Variants in NRTN observed in about 807,000 individuals in gnomAD.
NRTN encodes neurturin, also known as prepro-neurturin.
NRTN carries 3 observed loss-of-function variants against 7.5 expected under a neutral mutation model. The observed-to-expected ratio is 0.40, with a 90% CI of 0.18 to 1.03. The LOEUF (loss-of-function observed/expected upper bound fraction) is 1.03. Ranked by LOEUF, NRTN falls within the 50% of genes least tolerant of loss-of-function variation. NRTN has a pLI of 0.34. For missense variants in NRTN, 310 were observed against 307.0 expected, an observed-to-expected ratio of 1.01 and a Z score of -0.07; for synonymous variants, 157 against 146.6, an observed-to-expected ratio of 1.07 and a Z score of -0.51.
At chr19:5,827,034 G>A (rs1217815885) in intron 2 of NRTN, among the ~76,000 whole-genome samples, 1 of 152,144 alleles carries the variant, frequency 6.6e-6, no homozygotes. Flanking sequence ...TCCCCACACA[G>A]GCTTCGGATG....
chr19:5,822,099 T>C (rs939536465), intron 1 of NRTN, among the ~76,000 whole-genome samples: 5 of 152,196 alleles, frequency 3.3e-5, no homozygotes, highest in Non-Finnish European at 5.9e-5. Context: ...TAAGGTCTGA[T>C]ATGTGTAGCT....
At position 5,828,028 on chromosome 19, in the gene NRTN, AGCGGCGGCGCCT is replaced by A. The variant is rs1327251299; in HGVS notation, c.457_468del (p.Arg153_Arg156del). 2.5e-5 allele frequency: 35 copies of A among 1,420,292 alleles called. No homozygotes were observed. Among genetic ancestry groups the A allele is most frequent in the Middle Eastern group, 2.3e-4 (1 of 4,270 alleles). The allele number at this position is 1,420,292 out of a possible 1,614,324, so 88.0% of individuals were successfully genotyped here. A position where few individuals can be genotyped will look rare whatever the true frequency, so the allele number is the denominator to read the frequency against. ...GACCTCGGGCTGCGACGACTGCGCC[AGCGGCGGCGCCT>A]GCGGCGGGAGCGGGTGCGCGCGCAG... On this transcript the variant is annotated inframe_deletion, in exon 3 of 3. Transcript: ENST00000303212.
At chr19:5,816,402 G>A (rs1398993704) in intron 1 of NRTN, among the ~76,000 whole-genome samples, 3 of 151,596 alleles carry the variant, frequency 2.0e-5, no homozygotes, top group East Asian at 1.9e-4. Context: ...TTTTTGAGAC[G>A]GAGTCTTGCT....
intron 2 of NRTN, among the ~76,000 whole-genome samples, chr19:5,825,582 C>T (rs1400588805): frequency 6.6e-6 from 1 of 152,192 alleles, no homozygotes; most frequent in African/African-American, 2.4e-5. Flanking sequence ...GAGACCCGGG[C>T]GGGACCCCCA....
Position 5,805,144 on chromosome 19 carries a change from TG to T in NRTN, c.-705del, listed in dbSNP as rs2093594453. ...TCGCCGCCGCCCCGGAGCCCCGTGC[TG>T]CGCGCCGAGGCCGCCTGCGCCGTCC... On this transcript the variant is annotated 5_prime_UTR_variant, in exon 1 of 3. Coordinates refer to ENST00000303212, the MANE Select transcript of NRTN (RefSeq NM_004558.5). 6.8e-6 allele frequency among the ~76,000 whole-genome samples: 1 copy of T among 146,284 alleles called. No homozygotes were observed. The highest frequency in any genetic ancestry group is 1.5e-5 in the Non-Finnish European group (1 of 65,816).
intron 1 of NRTN, among the ~76,000 whole-genome samples, chr19:5,811,782 C>T (rs889687413): frequency 1.3e-5 from 2 of 151,724 alleles, no homozygotes; most frequent in African/African-American, 4.8e-5. Flanking sequence ...AACTCCTGGC[C>T]TAAAGTGATC....
intron 1 of NRTN, among the ~76,000 whole-genome samples, chr19:5,812,147 G>A (rs1034488399): frequency 6.6e-6 from 1 of 152,066 alleles, no homozygotes; most frequent in Non-Finnish European, 1.5e-5. Flanking sequence ...TGGGATTACA[G>A]GTGTGAGCCA....
At chr19:5,821,294 CTTTTTTTTTTTTTTTT>C (rs33932385) in intron 1 of NRTN, among the ~76,000 whole-genome samples, 1 of 49,132 alleles carries the variant, frequency 2.0e-5, no homozygotes, top group Non-Finnish European at 3.5e-5. Flanking sequence ...CAGTGCCTAG[CTTTTTTTTTTTTTTTT>C]TTTTTTTTTT....
At chr19:5,820,437 G>A (rs186208767) in intron 1 of NRTN, among the ~76,000 whole-genome samples, 38 of 143,540 alleles carry the variant, frequency 2.6e-4, no homozygotes, top group South Asian at 6.8e-4. Flanking sequence ...GTGGTGGCGG[G>A]CGCCTGTAGT....
At chr19:5,822,482 C>T (rs1568399344) in intron 1 of NRTN, among the ~76,000 whole-genome samples, 1 of 152,164 alleles carries the variant, frequency 6.6e-6, no homozygotes, top group East Asian at 1.9e-4. Flanking sequence ...CAGACGGCGT[C>T]GAGTGTGGTG....
chr19:5,808,548 G>A (rs577332123), intron 1 of NRTN, among the ~76,000 whole-genome samples: 7 of 152,312 alleles, frequency 4.6e-5, no homozygotes, highest in African/African-American at 1.7e-4. Context: ...CAGGAAGAGA[G>A]AGCTCCAGGT....
intron 1 of NRTN, among the ~76,000 whole-genome samples, chr19:5,810,707 G>A (rs2056987631): frequency 6.6e-6 from 1 of 152,068 alleles, no homozygotes; most frequent in East Asian, 1.9e-4. Context: ...GCCGAGGCGG[G>A]CGGATCACGA....
intron 1 of NRTN, among the ~76,000 whole-genome samples, chr19:5,812,859 C>G (rs2056994403): frequency 6.6e-6 from 1 of 152,196 alleles, no homozygotes; most frequent in Admixed American, 6.5e-5. Context: ...GCTGTGAGCC[C>G]TCGAGCTATC....
Position 5,824,186 on chromosome 19 carries a change from G to A in NRTN, c.21G>A (p.Ala7=), listed in dbSNP as rs746795975. The A allele has an allele frequency of 6.8e-6, 11 of 1,609,934 alleles. No individual in the cohort carries two copies. Among genetic ancestry groups the A allele is most frequent in the African/African-American group, 2.7e-5 (2 of 74,908 alleles). Reference sequence around the variant, plus strand: ...TGAGGATGCAGCGCTGGAAGGCGGCGGCCTTGGCCTCAGTGCTCTGCAGCT... The same window carrying A: ...TGAGGATGCAGCGCTGGAAGGCGGCAGCCTTGGCCTCAGTGCTCTGCAGCT... The part of the protein sequence containing the change: MQRWKA[A]ALASVLCSSV... The change falls in exon 2 of 3, where the codon GCG becomes GCA. Residue 7 remains alanine, a synonymous_variant. Coordinates refer to ENST00000303212, the MANE Select transcript of NRTN (RefSeq NM_004558.5).
At chr19:5,823,538 C>A (rs2057033719) in intron 1 of NRTN, among the ~76,000 whole-genome samples, 1 of 152,206 alleles carries the variant, frequency 6.6e-6, no homozygotes. Flanking sequence ...ATGTCCAGGG[C>A]AGCTCTGGTC....
chr19:5,826,335 C>T (rs796805975), intron 2 of NRTN, among the ~76,000 whole-genome samples: 16 of 152,164 alleles, frequency 1.1e-4, no homozygotes, highest in African/African-American at 3.6e-4. Flanking sequence ...GCTCAGTCAT[C>T]GCCCACCCCC....
At chr19:5,825,962 G>A (rs1229531977) in intron 2 of NRTN, among the ~76,000 whole-genome samples, 2 of 152,124 alleles carry the variant, frequency 1.3e-5, no homozygotes, top group Admixed American at 1.3e-4. Flanking sequence ...GTGAAACCCT[G>A]TCTCTACTAA....
chr19:5,824,240 G>C lies in NRTN; in HGVS notation c.75G>C (p.Glu25Asp). The stretch of plus-strand genomic sequence containing the variant: ...TGCTGTCCATCTGGATGTGTCGAGA[G>C]GGCCTGCTTCTCAGCCACCGCCTCG... ...SSVLSIWMCREGLLLSHRLGP... is the reference protein window; with the variant it reads ...SSVLSIWMCRDGLLLSHRLGP... The change falls in exon 2 of 3, where the codon GAG (glutamate) becomes GAC (aspartate). Residue 25 changes from glutamate (E) to aspartate (D), a missense_variant. Glu to Asp is a conservative substitution (Grantham distance 45, BLOSUM62 2). Transcript: ENST00000303212. 1 of 1,612,390 alleles carries C rather than the reference G, an allele frequency of 6.2e-7. No individual in the cohort carries two copies. Among genetic ancestry groups the C allele is most frequent in the Non-Finnish European group, 8.5e-7 (1 of 1,179,904 alleles).
rs1481556175 is a variant in NRTN at position 5,805,302 on chromosome 19, C to T, written c.-548C>T. 6.8e-6 allele frequency among the ~76,000 whole-genome samples: 1 copy of T among 146,034 alleles called. No individual in the cohort carries two copies. Among genetic ancestry groups the T allele is most frequent in the Non-Finnish European group, 1.5e-5 (1 of 65,700 alleles). On this transcript the variant is annotated 5_prime_UTR_variant, in exon 1 of 3. Coordinates refer to ENST00000303212, the MANE Select transcript of NRTN (RefSeq NM_004558.5). ...GCCCGGGGGGCCCCATGGGCCGGCC[C>T]GCGCCGCACCCCGCCCGCGGCCGCC...
Sources: gnomAD v4.1 joint callset for allele counts (sites outside exome capture counted in the v4.1 genomes callset) on GRCh38, gnomAD v4.1.1 for gene constraint, MANE v1.5 for transcripts, NCBI Gene and HGNC (gene_info 2026-07-23, HGNC 2026-07-21) for gene names.